Variants in SLIT1 observed in about 807,000 individuals in gnomAD.
SLIT1 encodes slit guidance ligand 1, also known as slit homolog 1 protein.
A neutral mutation model predicts 186.1 loss-of-function variants in SLIT1; 66 were observed. That is an observed-to-expected ratio of 0.35 (90% CI 0.29 to 0.44). SLIT1 has a LOEUF of 0.44. SLIT1 is among the 20% of genes least tolerant of loss of function. The pLI is 1.00. For synonymous variants in SLIT1, 761 were observed against 833.8 expected, an observed-to-expected ratio of 0.91 and a Z score of 1.50; for missense variants, 1,638 against 2,037.4, an observed-to-expected ratio of 0.80 and a Z score of 3.77.
chr10:97,147,288 T>C (rs2817658), intron 4 of SLIT1, among the ~76,000 whole-genome samples: 97,949 of 151,962 alleles, frequency 0.64, 33,709 homozygotes, highest in Admixed American at 0.78. Context: ...GAGGAGCTAT[T>C]GCTCAATGGG....
chr10:97,061,265 G>A (rs1848891754), intron 8 of SLIT1, among the ~76,000 whole-genome samples: 1 of 152,218 alleles, frequency 6.6e-6, no homozygotes, highest in Non-Finnish European at 1.5e-5. Context: ...TGAGAAAACA[G>A]AGTCCTCGAT....
At position 97,063,472 on chromosome 10, in the gene SLIT1, C is replaced by G. The variant is rs781316988; in HGVS notation, c.776G>C (p.Ser259Thr). 2 of 1,612,720 alleles carry G rather than the reference C, an allele frequency of 1.2e-6. No individual in the cohort carries two copies. Among genetic ancestry groups the G allele is most frequent in the African/African-American group, 1.3e-5 (1 of 74,882 alleles). ...RGLNVAEVQKSEFSCSGQGEA... is the reference protein window; with the variant it reads ...RGLNVAEVQKTEFSCSGQGEA... ...GCACCCACCTGAGCAGCTGAACTCACTCTTCTGGACCTCTGCCACATTGAG... is the reference window on the plus strand; with the variant it reads ...GCACCCACCTGAGCAGCTGAACTCAGTCTTCTGGACCTCTGCCACATTGAG... Residue 259 changes from serine (S) to threonine (T), a missense_variant, in exon 8 of 37, where the codon AGT becomes ACT. By Grantham distance (58) the Ser-to-Thr change is moderately conservative. Transcript: ENST00000266058.
chr10:97,033,120 C>T (rs946949451), intron 23 of SLIT1, among the ~76,000 whole-genome samples: 1 of 150,560 alleles, frequency 6.6e-6, no homozygotes, highest in African/African-American at 2.5e-5. Context: ...GTGATCTTGG[C>T]TTGCTGCAAC....
At position 97,177,554 on chromosome 10, in the gene SLIT1, C is replaced by T. The variant is rs559330128; in HGVS notation, c.197+7924G>A. 3.9e-5 allele frequency among the ~76,000 whole-genome samples: 6 copies of T among 152,252 alleles called. No individual in the cohort carries two copies. In the East Asian group the frequency reaches 1.2e-3, roughly 29 times the overall value. On this transcript the variant is annotated intron_variant, in intron 1 of 36. Coordinates refer to ENST00000266058, the MANE Select transcript of SLIT1 (RefSeq NM_003061.3). Reference sequence around the variant, plus strand: ...AACACAAATGTATTATCTTTCAGTTCTGGAAGTTAGAAGTCCAAAATCAGT... The same window carrying T: ...AACACAAATGTATTATCTTTCAGTTTTGGAAGTTAGAAGTCCAAAATCAGT...
chr10:97,143,147 T>C (rs1385935949), intron 4 of SLIT1, among the ~76,000 whole-genome samples: 1 of 152,304 alleles, frequency 6.6e-6, no homozygotes, highest in South Asian at 2.1e-4. Flanking sequence ...TCCAAAAGAA[T>C]TGAAAGCAGG....
chr10:97,118,829 T>A (rs1849532381), intron 4 of SLIT1, among the ~76,000 whole-genome samples: 1 of 152,172 alleles, frequency 6.6e-6, no homozygotes, highest in Non-Finnish European at 1.5e-5. Flanking sequence ...CTGTGGGGAT[T>A]AAATGAGACA....
intron 1 of SLIT1, 29 bp downstream of exon 1, chr10:97,185,449 A>G (rs752974860): frequency 1.0e-5 from 16 of 1,602,642 alleles, no homozygotes; most frequent in African/African-American, 2.7e-5. Context: ...CCTCGGAGCC[A>G]GGGAGCCAGG....
intron 21 of SLIT1, 145 bp from the exon 22 acceptor site, chr10:97,037,911 G>T: frequency 1.7e-6 from 1 of 593,736 alleles, no homozygotes; most frequent in Non-Finnish European, 2.9e-6. Context: ...AATCACTTAT[G>T]GGAGGAGAAA....
At chr10:97,140,448 C>T (rs1002914814) in intron 4 of SLIT1, among the ~76,000 whole-genome samples, 6 of 152,192 alleles carry the variant, frequency 3.9e-5, no homozygotes, top group African/African-American at 7.2e-5. Context: ...AAAACAAACC[C>T]GCCAAAGGGA....
chr10:97,084,469 G>A (rs1012231840), intron 4 of SLIT1, among the ~76,000 whole-genome samples: 2 of 152,202 alleles, frequency 1.3e-5, no homozygotes, highest in African/African-American at 4.8e-5. Context: ...TTTACCTCTG[G>A]GAGCCTTATT....
In SLIT1 at chr10:97,008,283, T is replaced by C. The variant is rs578058061; in HGVS notation, c.3342-1563A>G. On this transcript the variant is annotated intron_variant, in intron 31 of 36. Transcript: ENST00000266058. Reference sequence around the variant, plus strand: ...ACAGAATAAAATACGTAAGAATAAATTTTTTAAGTGCAAAACTTATACTTT... The same window carrying C: ...ACAGAATAAAATACGTAAGAATAAACTTTTTAAGTGCAAAACTTATACTTT... Among the ~76,000 whole-genome samples, 3 of 152,332 alleles carry C rather than the reference T, an allele frequency of 2.0e-5. No homozygotes were observed. In the South Asian group the frequency reaches 6.2e-4, roughly 32 times the overall value.
At chr10:97,079,386 G>A (rs913973317) in intron 4 of SLIT1, among the ~76,000 whole-genome samples, 1 of 152,096 alleles carries the variant, frequency 6.6e-6, no homozygotes, top group African/African-American at 2.4e-5. Flanking sequence ...AGAAAATGTG[G>A]TGAGCTGTAT....
chr10:97,074,815 A>G (rs1849031254), intron 4 of SLIT1, among the ~76,000 whole-genome samples: 1 of 152,136 alleles, frequency 6.6e-6, no homozygotes, highest in South Asian at 2.1e-4. Flanking sequence ...CCTTCTGCAC[A>G]CTCTGCCAAT....
chr10:97,038,411 T>C (rs1429297955), intron 21 of SLIT1, among the ~76,000 whole-genome samples: 1 of 152,192 alleles, frequency 6.6e-6, no homozygotes, highest in Non-Finnish European at 1.5e-5. Flanking sequence ...GTCTGTTCTC[T>C]GCACCTTGGA....
chr10:97,112,100 C>T lies in SLIT1; in HGVS notation c.413+45718G>A, dbSNP rs79970252. On this transcript the variant is annotated intron_variant, in intron 4 of 36. Transcript: ENST00000266058. ...ATCACGTTCCCTTCGCTGTCCAAGG[C>T]TACACAGGCTGTTCCCCCTGTCCTT... 8.6e-3 allele frequency among the ~76,000 whole-genome samples: 1,309 copies of T among 152,332 alleles called. 9 individuals carry two copies. The highest frequency in any genetic ancestry group is 0.014 in the Non-Finnish European group (943 of 68,030).
rs1258780781 is a variant in SLIT1 at position 97,002,706 on chromosome 10, G to A, written c.4152C>T (p.His1384=). 9 of 1,568,744 alleles carry A rather than the reference G, an allele frequency of 5.7e-6. No individual in the cohort carries two copies. In the South Asian group the frequency reaches 1.1e-4, roughly 19 times the overall value. ...DQPADGPCHG[H]KCVHGQCVPL... ...CTCCCCCAGTGCCCCAGGCTCACTT[G>A]TGGCCATGGCAGGGGCCGTCAGCGG... The change falls in exon 35 of 37, where the codon CAC becomes CAT. Residue 1384 remains histidine, a splice_region_variant and synonymous_variant. Coordinates refer to ENST00000266058, the MANE Select transcript of SLIT1 (RefSeq NM_003061.3).
At chr10:97,018,718 G>A in intron 27 of SLIT1, 35 bp from the exon 28 acceptor site, 1 of 1,415,486 alleles carries the variant, frequency 7.1e-7, no homozygotes. Context: ...ACCCCAGGGA[G>A]ACCCAGGAGT....
At chr10:97,112,002 C>T (rs183942192) in intron 4 of SLIT1, among the ~76,000 whole-genome samples, 21 of 152,302 alleles carry the variant, frequency 1.4e-4, no homozygotes, top group Admixed American at 1.2e-3. Flanking sequence ...CTGAACGTGC[C>T]GAGCTTGCCC....
chr10:97,037,366 G>C (rs1008485491), intron 22 of SLIT1, among the ~76,000 whole-genome samples: 1 of 152,084 alleles, frequency 6.6e-6, no homozygotes, highest in Non-Finnish European at 1.5e-5. Flanking sequence ...CTCCCAAAGT[G>C]CTGGGATTAC....
Sources: allele counts gnomAD v4.1 joint callset (sites outside exome capture counted in the v4.1 genomes callset), GRCh38; gene constraint gnomAD v4.1.1; transcripts MANE v1.5; gene names NCBI Gene and HGNC (gene_info 2026-07-23, HGNC 2026-07-21).